The following AHI1 variants were observed in gnomAD, a reference collection of about 807,000 sequenced individuals.
The protein encoded by AHI1 is Abelson helper integration site 1.
AHI1 carries 123 observed loss-of-function variants against 149.3 expected under a neutral mutation model. That is an observed-to-expected ratio of 0.82 (90% CI 0.71 to 0.96). AHI1 has a LOEUF of 0.96. AHI1 is among the 40% of genes least tolerant of loss of function. AHI1 has a pLI of 0.00. For missense variants in AHI1, 1,439 were observed against 1,422.7 expected (o/e 1.01, Z -0.18); for synonymous variants, 475 against 459.8 (o/e 1.03, Z -0.42).
chr6:135,445,718 G>A (rs1319554827), intron 13 of AHI1, among the ~76,000 whole-genome samples: 3 of 152,082 alleles, frequency 2.0e-5, no homozygotes, highest in African/African-American at 7.2e-5. Flanking sequence ...GACTACAGGT[G>A]CATGCCACCA....
intron 26 of AHI1, among the ~76,000 whole-genome samples, chr6:135,304,561 G>C (rs1167372999): frequency 6.6e-6 from 1 of 151,990 alleles, no homozygotes; most frequent in East Asian, 1.9e-4. Context: ...CACAAGGTCA[G>C]GAGTCCAAGA....
chr6:135,371,060 A>G (rs1337501818), intron 23 of AHI1, among the ~76,000 whole-genome samples: 2 of 152,190 alleles, frequency 1.3e-5, no homozygotes, highest in African/African-American at 4.8e-5. Context: ...TTATTTCTCT[A>G]TTCTTTTTAT....
chr6:135,441,799 G>A (rs982412), intron 14 of AHI1, among the ~76,000 whole-genome samples: 1 of 152,114 alleles, frequency 6.6e-6, no homozygotes, highest in African/African-American at 2.4e-5. Flanking sequence ...CGACACAAGT[G>A]ATTTTTTATT....
intron 22 of AHI1, among the ~76,000 whole-genome samples, chr6:135,400,650 A>C (rs1422978090): frequency 6.6e-6 from 1 of 152,234 alleles, no homozygotes; most frequent in Non-Finnish European, 1.5e-5. Context: ...ATTAAGCTGA[A>C]AGCTAAGTCA....
intron 5 of AHI1, among the ~76,000 whole-genome samples, chr6:135,484,087 T>A (rs563191127): frequency 1.3e-5 from 2 of 152,318 alleles, no homozygotes; most frequent in South Asian, 4.1e-4. Context: ...ACATGGATGG[T>A]GGCAGACAAA....
At position 135,490,698 on chromosome 6, in the gene AHI1, AAG is replaced by A; in HGVS notation, c.58_59del (p.Leu20Ter). ...VKTKVRFEEL[L>X]KTHSDLMREK... ...CACGCATTAGATCACTGTGGGTCTTAAGCAATTCTTCAAAGCGAACTTTGGTT... is the reference window on the plus strand; with the variant it reads ...CACGCATTAGATCACTGTGGGTCTTACAATTCTTCAAAGCGAACTTTGGTT... On this transcript the variant is annotated frameshift_variant, in exon 5 of 29. Transcript: ENST00000265602. LOFTEE classifies it high-confidence loss of function. 1 of 1,613,452 alleles carries A rather than the reference AAG, an allele frequency of 6.2e-7. No homozygotes were observed. The highest frequency in any genetic ancestry group is 8.5e-7 in the Non-Finnish European group (1 of 1,179,634).
intron 20 of AHI1, among the ~76,000 whole-genome samples, chr6:135,416,015 C>A (rs913857650): frequency 4.6e-5 from 7 of 152,006 alleles, no homozygotes; most frequent in Non-Finnish European, 7.4e-5. Context: ...CAAAAGGGCA[C>A]AAAGTAACTT....
intron 5 of AHI1, among the ~76,000 whole-genome samples, chr6:135,488,002 T>G (rs1794721999): frequency 6.6e-6 from 1 of 152,188 alleles, no homozygotes; most frequent in Non-Finnish European, 1.5e-5. Flanking sequence ...GTGACCAGAT[T>G]CCTCAGGCTA....
intron 20 of AHI1, among the ~76,000 whole-genome samples, chr6:135,420,228 T>C (rs1436390952): frequency 6.6e-6 from 1 of 152,188 alleles, no homozygotes; most frequent in Non-Finnish European, 1.5e-5. Flanking sequence ...ATCATGAATG[T>C]TCTTACTGGC....
At chr6:135,448,266 A>C (rs1787548632) in intron 12 of AHI1, 24 bp downstream of exon 12, 2 of 1,486,388 alleles carry the variant, frequency 1.3e-6, no homozygotes, top group African/African-American at 1.4e-5. Context: ...GATGATATAC[A>C]CTTAATATGT....
intron 25 of AHI1, among the ~76,000 whole-genome samples, chr6:135,321,928 A>G (rs1583708029): frequency 6.6e-6 from 1 of 152,076 alleles, no homozygotes; most frequent in Non-Finnish European, 1.5e-5. Context: ...CAGCCTCCCA[A>G]GTAGCTGGGA....
intron 27 of AHI1, among the ~76,000 whole-genome samples, chr6:135,293,665 C>T (rs1402234118): frequency 7.4e-6 from 1 of 134,894 alleles, no homozygotes; most frequent in Non-Finnish European, 1.5e-5. Flanking sequence ...AACCAAAGAC[C>T]TATACACTGT....
chr6:135,343,815 A>G (rs866234333), intron 24 of AHI1, among the ~76,000 whole-genome samples: 1 of 152,014 alleles, frequency 6.6e-6, no homozygotes, highest in South Asian at 2.1e-4. Context: ...AGAAAATCTG[A>G]GAGTCAATCT....
In AHI1 at chr6:135,463,178, A is replaced by C; in HGVS notation, c.878T>G (p.Met293Arg). The change falls in exon 8 of 29, where the codon ATG (methionine) becomes AGG (arginine). Residue 293 changes from methionine (M) to arginine (R), a missense_variant. Met to Arg is a moderately conservative substitution (Grantham distance 91, BLOSUM62 -1). Coordinates refer to ENST00000265602, the MANE Select transcript of AHI1 (RefSeq NM_001134831.2). ...SSMEQSTEDS[M>R]QDDTKPKPKK... is the part of the protein sequence containing the mutation. ...TGGTTTAGGTTTTGTATCATCTTGC[A>C]TGCTGTCTTCTGTGCTTTGTTCCAT... 2 of 1,607,612 alleles carry C rather than the reference A, an allele frequency of 1.2e-6. No homozygotes were observed. The highest frequency in any genetic ancestry group is 1.7e-6 in the Non-Finnish European group (2 of 1,178,412).
intron 23 of AHI1, among the ~76,000 whole-genome samples, chr6:135,390,551 TGAGCAGG>T (rs2128479807): frequency 6.6e-6 from 1 of 152,302 alleles, no homozygotes; most frequent in South Asian, 2.1e-4. Flanking sequence ...CTGAGGGCTG[TGAGCAGG>T]GAGCCCACTT....
At chr6:135,403,568 A>G (rs1024361638) in intron 22 of AHI1, among the ~76,000 whole-genome samples, 8 of 152,180 alleles carry the variant, frequency 5.3e-5, no homozygotes, top group African/African-American at 1.7e-4. Context: ...CTGGACATTC[A>G]GACAGCATTC....
chr6:135,285,481 C>A lies in AHI1; in HGVS notation c.*164G>T. On this transcript the variant is annotated 3_prime_UTR_variant, in exon 29 of 29. Coordinates refer to ENST00000265602, the MANE Select transcript of AHI1 (RefSeq NM_001134831.2). Reference sequence around the variant, plus strand: ...AAGGCCACGTTGATTTTTCCACCCACAACTTGATTCTGATTTTTCTAGAGT... The same window carrying A: ...AAGGCCACGTTGATTTTTCCACCCAAAACTTGATTCTGATTTTTCTAGAGT... 1.3e-6 allele frequency: 1 copy of A among 756,490 alleles called. No individual in the cohort carries two copies. The highest frequency in any genetic ancestry group is 1.6e-5 in the South Asian group (1 of 60,658). 46.9% of individuals were successfully genotyped at this position (756,490 alleles called of 1,614,324 possible). A position where few individuals can be genotyped will look rare whatever the true frequency, so the allele number is the denominator to read the frequency against.
rs143412717 is a variant in AHI1, at chr6:135,351,638, C to T, written c.3165+6494G>A. ...TAGCTCAGAGCGGCCAGAGTGAGTA[C>T]TGGGACAAACTGGAGGTAAGTTTAG... is the stretch of plus-strand genomic sequence containing the variant. On this transcript the variant is annotated intron_variant, in intron 24 of 28. Coordinates refer to ENST00000265602, the MANE Select transcript of AHI1 (RefSeq NM_001134831.2). 1.8e-3 allele frequency among the ~76,000 whole-genome samples: 281 copies of T among 152,314 alleles called. 1 individual carries two copies. Among genetic ancestry groups the T allele is most frequent in the African/African-American group, 6.6e-3 (273 of 41,570 alleles).
chr6:135,360,549 CAAT>C (rs1459870869), intron 23 of AHI1, among the ~76,000 whole-genome samples: 4 of 152,176 alleles, frequency 2.6e-5, no homozygotes, highest in Non-Finnish European at 4.4e-5. Flanking sequence ...ATGTTTGAGA[CAAT>C]TCCTTAAAGT....
Sources: allele counts gnomAD v4.1 joint callset (sites outside exome capture counted in the v4.1 genomes callset), GRCh38; gene constraint gnomAD v4.1.1; transcripts MANE v1.5; gene names NCBI Gene and HGNC (gene_info 2026-07-23, HGNC 2026-07-21).